Variants in SERPINB5 observed in about 807,000 individuals in gnomAD.
SERPINB5 encodes the protein serpin B5.
In SERPINB5, 27 loss-of-function variants were observed where a neutral mutation model predicts 32.2. The ratio of observed to expected loss-of-function variants is 0.84; its 90% CI spans 0.62 to 1.16. The LOEUF (loss-of-function observed/expected upper bound fraction) is 1.16. Ranked by LOEUF, SERPINB5 falls within the 50% of genes most tolerant of loss-of-function variation. The pLI is 0.00. For missense variants in SERPINB5, 388 were observed against 436.3 expected (o/e 0.89, Z 0.99); for synonymous variants, 154 against 157.4 (o/e 0.98, Z 0.16).
At chr18:63,478,265 G>A (rs1281890140) in intron 1 of SERPINB5, among the ~76,000 whole-genome samples, 3 of 152,192 alleles carry the variant, frequency 2.0e-5, no homozygotes, top group Admixed American at 6.5e-5. Flanking sequence ...TTCTGGTGTG[G>A]CTGAGTCTGG....
At chr18:63,484,741 C>CTTTTTTTTTTTTTTTTTTTTTTTTTTT (rs869236018) in intron 2 of SERPINB5, 145 bp downstream of exon 2, 1 of 105,684 alleles carries the variant, frequency 9.5e-6, no homozygotes, top group Non-Finnish European at 1.7e-5. Flanking sequence ...CTCTCTTAAT[C>CTTTTTTTTTTTTTTTTTTTTTTTTTTT]TTTTTTTTTT....
intron 5 of SERPINB5, among the ~76,000 whole-genome samples, chr18:63,494,488 A>G (rs1909408523): frequency 2.0e-5 from 3 of 152,144 alleles, no homozygotes; most frequent in African/African-American, 7.2e-5. Context: ...TTAGACTGGA[A>G]GCAGCACTTC....
At chr18:63,497,403 C>T (rs1909472055) in intron 5 of SERPINB5, 1 of 1,158,814 alleles carries the variant, frequency 8.6e-7, no homozygotes, top group Admixed American at 1.7e-5. Context: ...CCATGTGAAG[C>T]TCTGTGGGGG....
At chr18:63,496,243 G>A in intron 5 of SERPINB5, among the ~76,000 whole-genome samples, 1 of 152,294 alleles carries the variant, frequency 6.6e-6, no homozygotes, top group South Asian at 2.1e-4. Flanking sequence ...GAAACTATGA[G>A]CAGTCTAACC....
intron 4 of SERPINB5, among the ~76,000 whole-genome samples, chr18:63,491,764 C>T (rs182363610): frequency 2.1e-4 from 32 of 152,220 alleles, no homozygotes; most frequent in Non-Finnish European, 2.8e-4. Flanking sequence ...TGTCAGCCAC[C>T]GCATCCAGCC....
chr18:63,486,315 A>G (rs1917213531), intron 2 of SERPINB5, among the ~76,000 whole-genome samples: 3 of 152,142 alleles, frequency 2.0e-5, no homozygotes, highest in Non-Finnish European at 4.4e-5. Flanking sequence ...GCAGCCCACC[A>G]TTTATTGTAG....
At position 63,492,436 on chromosome 18, in the gene SERPINB5, C is replaced by A. The variant is rs182854185; in HGVS notation, c.425-517C>A. Among the ~76,000 whole-genome samples the A allele has an allele frequency of 2.0e-5, 3 of 152,272 alleles. No homozygotes were observed. In the East Asian group the frequency reaches 5.8e-4, roughly 29 times the overall value. ...GATAATGATCTTTGCCTTATAGGAC[C>A]ATTGTGAAAAGACTGAGATAATATA... On this transcript the variant is annotated intron_variant, in intron 4 of 6. Coordinates refer to ENST00000382771, the MANE Select transcript of SERPINB5 (RefSeq NM_002639.5).
chr18:63,482,710 C>T lies in SERPINB5; in HGVS notation c.-7-1712C>T, dbSNP rs117587672. On this transcript the variant is annotated intron_variant, in intron 1 of 6. Coordinates refer to ENST00000382771, the MANE Select transcript of SERPINB5 (RefSeq NM_002639.5). Reference sequence around the variant, plus strand: ...ACCCTGTTACACTCTTAAAAATTACCGAGGACCCCAAAGAACTGTTTCTTT... The same window carrying T: ...ACCCTGTTACACTCTTAAAAATTACTGAGGACCCCAAAGAACTGTTTCTTT... Among the ~76,000 whole-genome samples, 1,148 of 151,904 alleles carry T rather than the reference C, an allele frequency of 7.6e-3. 11 individuals carry two copies. The highest frequency in any genetic ancestry group is 0.014 in the Middle Eastern group (4 of 292).
At chr18:63,491,176 T>C (rs902001032) in intron 4 of SERPINB5, among the ~76,000 whole-genome samples, 1 of 152,030 alleles carries the variant, frequency 6.6e-6, no homozygotes, top group African/African-American at 2.4e-5. Flanking sequence ...CCAAGGCAGC[T>C]GGATCACCTG....
chr18:63,479,394 G>A (rs1035822582), intron 1 of SERPINB5, among the ~76,000 whole-genome samples: 32 of 152,178 alleles, frequency 2.1e-4, no homozygotes, highest in Non-Finnish European at 4.1e-4. Context: ...CCAGTGACAA[G>A]CTATAAGTCT....
At chr18:63,493,281 T>G (rs531815976) in intron 5 of SERPINB5, 186 bp downstream of exon 5, 1 of 698,622 alleles carries the variant, frequency 1.4e-6, no homozygotes, top group African/African-American at 1.8e-5. Flanking sequence ...AGGCCCCCCC[T>G]CCTCTTTTCC....
intron 2 of SERPINB5, among the ~76,000 whole-genome samples, chr18:63,484,895 A>G (rs759072281): frequency 5.3e-5 from 8 of 151,700 alleles, no homozygotes; most frequent in Non-Finnish European, 1.0e-4. Context: ...CGCGTGCCAC[A>G]ACGCCAGGCA....
chr18:63,491,514 G>A (rs1046451693), intron 4 of SERPINB5, among the ~76,000 whole-genome samples: 7 of 147,564 alleles, frequency 4.7e-5, no homozygotes, highest in East Asian at 4.0e-4. Context: ...TTGCTCTGTC[G>A]CCCAGGCTGG....
At chr18:63,493,346 C>T (rs146907268) in intron 5 of SERPINB5, 136 of 568,366 alleles carry the variant, frequency 2.4e-4, no homozygotes, top group East Asian at 9.6e-4. Flanking sequence ...TGTAACCCAG[C>T]GAGGAAAGCT....
chr18:63,483,553 A>G (rs1917157378), intron 1 of SERPINB5, among the ~76,000 whole-genome samples: 1 of 152,246 alleles, frequency 6.6e-6, no homozygotes, highest in South Asian at 2.1e-4. Context: ...GTACTTTGAA[A>G]TGACGATGTC....
intron 1 of SERPINB5, among the ~76,000 whole-genome samples, chr18:63,483,241 C>T (rs538351847): frequency 6.6e-6 from 1 of 152,332 alleles, no homozygotes; most frequent in East Asian, 1.9e-4. Context: ...TATTATACCA[C>T]TCACATGTCT....
chr18:63,489,329 G>T lies in SERPINB5; in HGVS notation c.307-18G>T. The T allele has an allele frequency of 7.2e-7, 1 of 1,394,178 alleles. No individual in the cohort carries two copies. The highest frequency in any genetic ancestry group is 1.2e-5 in the South Asian group (1 of 83,354). The allele number at this position is 1,394,178 out of a possible 1,614,324, so 86.4% of individuals were successfully genotyped here. On this transcript the variant is annotated intron_variant, in intron 3 of 6. Transcript: ENST00000382771. The stretch of plus-strand genomic sequence containing the variant: ...GCTTGACTACAGACTCTGATTTTAT[G>T]AACTGCATGTTTTTCAGGAGTTCAT...
chr18:63,491,578 G>A (rs1422463664), intron 4 of SERPINB5, among the ~76,000 whole-genome samples: 2 of 151,402 alleles, frequency 1.3e-5, no homozygotes. Context: ...AGGTTCAAGG[G>A]ATTCTCCTGT....
rs1909371285 is a variant in SERPINB5 at position 63,492,961 on chromosome 18, G to A, written c.433G>A (p.Glu145Lys). 1.2e-6 allele frequency: 2 copies of A among 1,608,808 alleles called. No homozygotes were observed. Among genetic ancestry groups the A allele is most frequent in the Non-Finnish European group, 1.7e-6 (2 of 1,177,036 alleles). ...SIKDLTDGHF[E>K]NILADNSVND... ...TCCTAAAATTGTTGCAGGCCACTTT[G>A]AGAACATTTTAGCTGACAACAGTGT... The change falls in exon 5 of 7, where the codon GAG becomes AAG. Residue 145 changes from glutamate (E) to lysine (K), a missense_variant. By Grantham distance (56) the Glu-to-Lys change is moderately conservative (BLOSUM62 1). Transcript: ENST00000382771.
Sources: allele counts gnomAD v4.1 joint callset (sites outside exome capture counted in the v4.1 genomes callset), GRCh38; gene constraint gnomAD v4.1.1; transcripts MANE v1.5; gene names NCBI Gene and HGNC (gene_info 2026-07-23, HGNC 2026-07-21).